Variants in NAALADL2 observed in about 807,000 individuals in gnomAD.
NAALADL2 encodes inactive N-acetylated-alpha-linked acidic dipeptidase-like protein 2.
A neutral mutation model predicts 87.2 loss-of-function variants in NAALADL2; 76 were observed. The ratio of observed to expected loss-of-function variants is 0.87; its 90% CI spans 0.72 to 1.05. The LOEUF (loss-of-function observed/expected upper bound fraction) is 1.05, where lower values mean the gene tolerates loss of function less well. NAALADL2 is among the 50% of genes least tolerant of loss of function. The pLI, the probability that NAALADL2 is intolerant of heterozygous loss-of-function variation, is 0.00. For synonymous variants in NAALADL2, 354 were observed against 331.0 expected, an observed-to-expected ratio of 1.07 and a Z score of -0.75; for missense variants, 1,089 against 945.8, an observed-to-expected ratio of 1.15 and a Z score of -1.99.
chr3:175,421,918 A>T (rs925391308), intron 5 of NAALADL2, among the ~76,000 whole-genome samples: 4 of 152,114 alleles, frequency 2.6e-5, no homozygotes, highest in African/African-American at 4.8e-5. Context: ...CTCTGACAGC[A>T]AATACAAATA....
intron 9 of NAALADL2, among the ~76,000 whole-genome samples, chr3:175,570,243 G>A (rs1489349998): frequency 5.3e-5 from 8 of 152,130 alleles, no homozygotes; most frequent in Non-Finnish European, 7.4e-5. Flanking sequence ...CAGCCTTTTT[G>A]TTCCATTCAG....
intron 9 of NAALADL2, among the ~76,000 whole-genome samples, chr3:175,535,004 G>T (rs530720945): frequency 6.6e-6 from 1 of 152,188 alleles, no homozygotes; most frequent in African/African-American, 2.4e-5. Context: ...CCAAGGGAAG[G>T]TTTTGTACTA....
intron 3 of NAALADL2, among the ~76,000 whole-genome samples, chr3:174,810,844 C>T (rs1472668998): frequency 6.6e-6 from 1 of 152,122 alleles, no homozygotes; most frequent in African/African-American, 2.4e-5. Context: ...GCTACTCCCC[C>T]CATCACAGGC....
At chr3:175,685,746 A>G (rs1300757394) in intron 11 of NAALADL2, among the ~76,000 whole-genome samples, 1 of 152,156 alleles carries the variant, frequency 6.6e-6, no homozygotes, top group Non-Finnish European at 1.5e-5. Flanking sequence ...TCAAGTCCAA[A>G]GGCAGGAAAA....
chr3:175,470,862 G>A (rs1416462324), intron 8 of NAALADL2, among the ~76,000 whole-genome samples: 1 of 152,110 alleles, frequency 6.6e-6, no homozygotes, highest in East Asian at 1.9e-4. Flanking sequence ...AGATTACATT[G>A]TATTATGGCC....
At chr3:175,419,331 C>T (rs998090624) in intron 5 of NAALADL2, among the ~76,000 whole-genome samples, 1 of 151,588 alleles carries the variant, frequency 6.6e-6, no homozygotes, top group Admixed American at 6.6e-5. Context: ...TGTATGTCCT[C>T]TGTTTTATAT....
At chr3:174,738,609 T>C (rs1267668238) in intron 3 of NAALADL2, among the ~76,000 whole-genome samples, 1 of 152,078 alleles carries the variant, frequency 6.6e-6, no homozygotes, top group Non-Finnish European at 1.5e-5. Flanking sequence ...AAGAAATAAG[T>C]TGGGGAGGAG....
rs1167786310 is a variant in NAALADL2 at position 175,804,885 on chromosome 3, G to A, written c.*1682G>A. The A allele has an allele frequency of 6.6e-6, 1 of 151,888 alleles. No individual in the cohort carries two copies. The highest frequency in any genetic ancestry group is 1.5e-5 in the Non-Finnish European group (1 of 67,896). The allele number at this position is 151,888 out of a possible 1,614,324, so 9.4% of individuals were successfully genotyped here. A position where few individuals can be genotyped will look rare whatever the true frequency, so the allele number is the denominator to read the frequency against. ...AAATCCATTTTCATCGAAATTGCCT[G>A]TGTGCACATATTTTTAGATGAAAAA... On this transcript the variant is annotated 3_prime_UTR_variant, in exon 14 of 14. Coordinates refer to ENST00000454872, the MANE Select transcript of NAALADL2 (RefSeq NM_207015.3).
chr3:175,140,308 T>C (rs1302551175), intron 2 of NAALADL2, among the ~76,000 whole-genome samples: 1 of 152,088 alleles, frequency 6.6e-6, no homozygotes. Context: ...CCATTAGATG[T>C]CAGGTATTCA....
chr3:175,210,422 T>C (rs1359213167), intron 2 of NAALADL2, among the ~76,000 whole-genome samples: 5 of 151,836 alleles, frequency 3.3e-5, no homozygotes, highest in African/African-American at 1.2e-4. Context: ...TACTTTTTTG[T>C]TATGAAATAA....
chr3:175,451,534 A>T (rs1028345783), intron 6 of NAALADL2, among the ~76,000 whole-genome samples: 10 of 152,296 alleles, frequency 6.6e-5, no homozygotes, highest in Admixed American at 2.6e-4. Flanking sequence ...ATTTTCACAT[A>T]TCAATCTGAG....
intron 12 of NAALADL2, among the ~76,000 whole-genome samples, chr3:175,747,284 T>G (rs1218432475): frequency 1.3e-5 from 2 of 152,240 alleles, no homozygotes; most frequent in African/African-American, 4.8e-5. Flanking sequence ...GATCATCATT[T>G]CCTTCTCCAT....
chr3:175,382,208 TA>T (rs1230128048), intron 5 of NAALADL2, among the ~76,000 whole-genome samples: 1 of 151,968 alleles, frequency 6.6e-6, no homozygotes, highest in Non-Finnish European at 1.5e-5. Context: ...AATAGAAAAA[TA>T]AATGAAGTCA....
At chr3:175,703,056 C>G (rs954868056) in intron 11 of NAALADL2, among the ~76,000 whole-genome samples, 21 of 152,094 alleles carry the variant, frequency 1.4e-4, no homozygotes, top group African/African-American at 4.8e-4. Flanking sequence ...TAAATGTAGT[C>G]TCATCATTGA....
chr3:175,209,755 C>T (rs1211789042), intron 2 of NAALADL2, among the ~76,000 whole-genome samples: 1 of 151,586 alleles, frequency 6.6e-6, no homozygotes, highest in Non-Finnish European at 1.5e-5. Flanking sequence ...AGAAGGTCCT[C>T]ATAAATGATG....
intron 1 of NAALADL2, among the ~76,000 whole-genome samples, chr3:174,876,915 A>C (rs1273926820): frequency 1.3e-5 from 2 of 152,158 alleles, no homozygotes; most frequent in African/African-American, 4.8e-5. Flanking sequence ...AGGCATTAGC[A>C]AATGTAGATT....
chr3:175,420,486 A>T (rs574227229), intron 5 of NAALADL2, among the ~76,000 whole-genome samples: 1 of 152,086 alleles, frequency 6.6e-6, no homozygotes, highest in Non-Finnish European at 1.5e-5. Flanking sequence ...GTTTAGGTCA[A>T]CATTTATTTC....
At chr3:175,295,718 A>AACACACACACACACACACACAC (rs58935758) in intron 4 of NAALADL2, among the ~76,000 whole-genome samples, 6 of 143,656 alleles carry the variant, frequency 4.2e-5, no homozygotes, top group Non-Finnish European at 3.0e-5. Context: ...CATGCACACA[A>AACACACACACACACACACACAC]ACACACACAC....
In NAALADL2 at chr3:175,576,098, A is replaced by G; in HGVS notation, c.1711A>G (p.Ile571Val). 1.2e-6 allele frequency: 2 copies of G among 1,612,764 alleles called. No individual in the cohort carries two copies. The highest frequency in any genetic ancestry group is 1.7e-6 in the Non-Finnish European group (2 of 1,178,756). ...AQCPETNISS[I>V]QIQGDADYFI... ...GTGCCCAGAAACCAATATCAGTTCT[A>G]TACAGATACAAGGTGATGCTGATTA... is the stretch of plus-strand genomic sequence containing the variant. Residue 571 changes from isoleucine to valine, a missense_variant, in exon 10 of 14, where the codon ATA becomes GTA. Transcript: ENST00000454872.
Sources: gnomAD v4.1 joint callset for allele counts (sites outside exome capture counted in the v4.1 genomes callset) on GRCh38, gnomAD v4.1.1 for gene constraint, MANE v1.5 for transcripts, NCBI Gene and HGNC (gene_info 2026-07-23, HGNC 2026-07-21) for gene names.